Variants in RSF1 observed in about 807,000 individuals in gnomAD.
RSF1 encodes remodeling and spacing factor 1.
RSF1 carries 13 observed loss-of-function variants against 145.2 expected under a neutral mutation model. The observed-to-expected ratio is 0.09, with a 90% CI of 0.06 to 0.14. The LOEUF is 0.14. Among genes scored for constraint, RSF1 ranks in the 10% least tolerant of loss-of-function variants. The probability of loss-of-function intolerance (pLI) is 1.00; values close to 1 mark genes in which losing one functional copy is unlikely to be tolerated. For synonymous variants in RSF1, 577 were observed against 592.6 expected, an observed-to-expected ratio of 0.97 and a Z score of 0.38; for missense variants, 1,517 against 1,718.2, an observed-to-expected ratio of 0.88 and a Z score of 2.07.
chr11:77,846,305 G>T, the RSF1 span, among the ~76,000 whole-genome samples: 2 of 152,082 alleles, frequency 1.3e-5, no homozygotes, highest in African/African-American at 4.8e-5. Context: ...ATCTTTTGAG[G>T]TCAATTTCTT....
the RSF1 span, among the ~76,000 whole-genome samples, chr11:77,861,236 C>G: frequency 2.6e-5 from 4 of 152,190 alleles, no homozygotes; most frequent in Non-Finnish European, 5.9e-5. Context: ...GCTAGAATGT[C>G]TCTCCCTAAC....
chr11:77,765,292 G>A (rs60251596), intron 1 of RSF1, among the ~76,000 whole-genome samples: 1,548 of 152,216 alleles, frequency 0.01, 26 homozygotes, highest in African/African-American at 0.036. Context: ...CAAGTTGACA[G>A]ATACGACAGA....
At chr11:77,820,159 C>T (rs1267681606) in intron 1 of RSF1, among the ~76,000 whole-genome samples, 4 of 152,172 alleles carry the variant, frequency 2.6e-5, no homozygotes, top group African/African-American at 9.7e-5. Flanking sequence ...TGGCCGGAAC[C>T]TGCGCTCCCC....
At position 77,701,409 on chromosome 11, in the gene RSF1, G is replaced by A. The variant is rs1169894199; in HGVS notation, c.1820C>T (p.Pro607Leu). The A allele has an allele frequency of 3.7e-6, 6 of 1,613,966 alleles. No individual in the cohort carries two copies. Among genetic ancestry groups the A allele is most frequent in the South Asian group, 2.2e-5 (2 of 91,066 alleles). The change falls in exon 6 of 16, where the codon CCA becomes CTA. Residue 607 changes from proline (P) to leucine (L), a missense_variant. Pro to Leu is a moderately conservative substitution (Grantham distance 98). Coordinates refer to ENST00000308488, the MANE Select transcript of RSF1 (RefSeq NM_016578.4). ...DKDAQRLSPI[P>L]EEVPKSTLES... ...TAGAGTACTCTTTGGAACTTCTTCT[G>A]GTATTGGACTCAATCTTTGTGCGTC...
chr11:77,695,050 AAG>A (rs1960248487), intron 7 of RSF1, among the ~76,000 whole-genome samples: 1 of 152,188 alleles, frequency 6.6e-6, no homozygotes, highest in Non-Finnish European at 1.5e-5. Flanking sequence ...CACTTGGTTA[AAG>A]TACATCTGTT....
At position 77,662,222 on chromosome 11, in the gene RSF1, A is replaced by G. The variant is rs1465626895; in HGVS notation, c.*4695T>C. Reference sequence around the variant, plus strand: ...GATAGTCATATTTTAAAGTTATTAAAATAAACATCTTCACTAACTGAAACC... The same window carrying G: ...GATAGTCATATTTTAAAGTTATTAAGATAAACATCTTCACTAACTGAAACC... On this transcript the variant is annotated 3_prime_UTR_variant, in exon 16 of 16. Coordinates refer to ENST00000308488, the MANE Select transcript of RSF1 (RefSeq NM_016578.4). The G allele has an allele frequency of 6.6e-6, 1 of 152,166 alleles. No homozygotes were observed. The highest frequency in any genetic ancestry group is 2.4e-5 in the African/African-American group (1 of 41,452). The allele number at this position is 152,166 out of a possible 1,614,324, so 9.4% of individuals were successfully genotyped here.
intron 1 of RSF1, among the ~76,000 whole-genome samples, chr11:77,778,222 G>GGGGA (rs1265004658): frequency 6.2e-5 from 4 of 64,842 alleles, no homozygotes; most frequent in Admixed American, 1.5e-4. Flanking sequence ...GGGGAGGGGA[G>GGGGA]GGGGTGGGGG....
At chr11:77,797,353 C>T (rs1948583048) in intron 1 of RSF1, among the ~76,000 whole-genome samples, 1 of 152,110 alleles carries the variant, frequency 6.6e-6, no homozygotes, top group African/African-American at 2.4e-5. Flanking sequence ...TCAGAAATAA[C>T]ACCACACATC....
At chr11:77,789,138 A>G (rs780104771) in intron 1 of RSF1, among the ~76,000 whole-genome samples, 3 of 152,218 alleles carry the variant, frequency 2.0e-5, no homozygotes, top group Non-Finnish European at 2.9e-5. Flanking sequence ...GAGCCAGGAG[A>G]AACTCCCCAA....
At chr11:77,831,487 A>C in the RSF1 span, among the ~76,000 whole-genome samples, 5 of 152,238 alleles carry the variant, frequency 3.3e-5, no homozygotes, top group Non-Finnish European at 5.9e-5. Context: ...ACTCCTTGAA[A>C]TTCTTACTTA....
At chr11:77,671,999 T>A in intron 15 of RSF1, 43 bp downstream of exon 15, 1 of 1,495,532 alleles carries the variant, frequency 6.7e-7, no homozygotes, top group African/African-American at 1.4e-5. Flanking sequence ...AATGTCTATT[T>A]TGCCCTGTCC....
intron 15 of RSF1, 27 bp from the exon 16 acceptor site, chr11:77,667,518 T>C (rs117199302): frequency 0.016 from 25,655 of 1,573,160 alleles, 277 homozygotes; most frequent in Non-Finnish European, 0.019. Context: ...ATTTAAGCCA[T>C]TGGCACGGTT....
At chr11:77,848,481 C>T in the RSF1 span, among the ~76,000 whole-genome samples, 1 of 151,916 alleles carries the variant, frequency 6.6e-6, no homozygotes, top group African/African-American at 2.4e-5. Flanking sequence ...CCTCAGCCTC[C>T]CGAGTAGCTG....
At chr11:77,743,978 T>C (rs1435477708) in intron 3 of RSF1, among the ~76,000 whole-genome samples, 1 of 152,192 alleles carries the variant, frequency 6.6e-6, no homozygotes, top group Non-Finnish European at 1.5e-5. Flanking sequence ...GATCATATAA[T>C]ATTTGTCCTT....
At chr11:77,678,814 AC>A (rs1412712862) in intron 11 of RSF1, among the ~76,000 whole-genome samples, 198 of 152,186 alleles carry the variant, frequency 1.3e-3, no homozygotes, top group African/African-American at 4.5e-3. Flanking sequence ...GATTAAGAAC[AC>A]CCTAGAAGGT....
At chr11:77,725,244 T>A (rs979702817) in intron 5 of RSF1, among the ~76,000 whole-genome samples, 4 of 152,232 alleles carry the variant, frequency 2.6e-5, no homozygotes, top group African/African-American at 9.6e-5. Flanking sequence ...AATTTTATGT[T>A]ATATTTTGCC....
In RSF1 at chr11:77,662,031, G is replaced by C. The variant is rs1959242930; in HGVS notation, c.*4886C>G. On this transcript the variant is annotated 3_prime_UTR_variant, in exon 16 of 16. Transcript: ENST00000308488. Reference sequence around the variant, plus strand: ...CATCATCCAGTGGCAAAAAGCACGAGGCAAGTATTCAGTCCTTAGCACACT... The same window carrying C: ...CATCATCCAGTGGCAAAAAGCACGACGCAAGTATTCAGTCCTTAGCACACT... 1.3e-5 allele frequency: 2 copies of C among 152,000 alleles called. No homozygotes were observed. The highest frequency in any genetic ancestry group is 2.9e-5 in the Non-Finnish European group (2 of 67,976). The allele number at this position is 152,000 out of a possible 1,614,324, so 9.4% of individuals were successfully genotyped here.
At chr11:77,778,818 T>C (rs1268239236) in intron 1 of RSF1, among the ~76,000 whole-genome samples, 2 of 152,228 alleles carry the variant, frequency 1.3e-5, no homozygotes, top group African/African-American at 2.4e-5. Flanking sequence ...TCTCTGTCCT[T>C]TTTTGGATTC....
chr11:77,862,935 T>TG, the RSF1 span, among the ~76,000 whole-genome samples: 1 of 152,148 alleles, frequency 6.6e-6, no homozygotes, highest in Non-Finnish European at 1.5e-5. Flanking sequence ...GTTTTTGCCT[T>TG]GGGGGGAACG....
Sources: allele counts gnomAD v4.1 joint callset (sites outside exome capture counted in the v4.1 genomes callset), GRCh38; gene constraint gnomAD v4.1.1; transcripts MANE v1.5; gene names NCBI Gene and HGNC (gene_info 2026-07-23, HGNC 2026-07-21).